TRPV5: variants seen among roughly 807,000 people sequenced by gnomAD.
The protein encoded by TRPV5 is transient receptor potential cation channel subfamily V member 5, also known as calcium transport protein 2.
TRPV5 carries 66 observed loss-of-function variants against 74.1 expected under a neutral mutation model. The ratio of observed to expected loss-of-function variants is 0.89; its 90% CI spans 0.73 to 1.09. The LOEUF (loss-of-function observed/expected upper bound fraction) is 1.09, where lower values mean the gene tolerates loss of function less well. TRPV5 is among the 50% of genes least tolerant of loss of function. The pLI is 0.00. For synonymous variants in TRPV5, 399 were observed against 360.7 expected (o/e 1.11, Z -1.20); for missense variants, 936 against 930.4 (o/e 1.01, Z -0.08).
intron 5 of TRPV5, 41 bp downstream of exon 5, chr7:142,928,980 TC>T: frequency 6.2e-7 from 1 of 1,613,098 alleles, no homozygotes; most frequent in Non-Finnish European, 8.5e-7. Context: ...TGTCCCTCGC[TC>T]CCCACAGCAT....
rs148222818 is a variant in TRPV5, at chr7:142,908,674, G to T, written c.2030C>A (p.Ala677Asp). The change falls in exon 15 of 15, where the codon GCC (alanine) becomes GAC (aspartate). Residue 677 changes from alanine (A) to aspartate (D), a missense_variant. Transcript: ENST00000265310. ...AGTTGGAAGAGCCAAAGAGGCTCTG[G>T]CTAGAGTCCCACTCTCAGCCCCAGA... Reference protein sequence around the residue: ...QPSGAESGTLARASLALPTSS... With the variant: ...QPSGAESGTLDRASLALPTSS... 6.2e-7 allele frequency: 1 copy of T among 1,614,106 alleles called. No homozygotes were observed. The highest frequency in any genetic ancestry group is 8.5e-7 in the Non-Finnish European group (1 of 1,180,052).
At chr7:142,920,031 C>G (rs1369637591) in intron 8 of TRPV5, among the ~76,000 whole-genome samples, 4 of 152,218 alleles carry the variant, frequency 2.6e-5, no homozygotes, top group Non-Finnish European at 5.9e-5. Context: ...GACTGCCCAT[C>G]AGAATCAAGT....
In TRPV5 at chr7:142,928,201, T is replaced by C. The variant is rs768202588; in HGVS notation, c.796A>G (p.Ile266Val). Residue 266 changes from isoleucine (I) to valine (V), a missense_variant, in exon 7 of 15, where the codon ATC (isoleucine) becomes GTC (valine). Physicochemically the swap from Ile to Val is conservative, Grantham distance 29. Coordinates refer to ENST00000265310, the MANE Select transcript of TRPV5 (RefSeq NM_019841.7). The stretch of plus-strand genomic sequence containing the variant: ...GTCAGGGGTCCATACGTCCACTGGA[T>C]GTGCCTCCGCTTCTGCATCAGGTGC... ...FQHLMQKRRH[I>V]QWTYGPLTSI... The C allele has an allele frequency of 6.2e-7, 1 of 1,614,140 alleles. No individual in the cohort carries two copies. The highest frequency in any genetic ancestry group is 2.2e-5 in the East Asian group (1 of 44,874).
At position 142,928,772 on chromosome 7, in the gene TRPV5, G is replaced by T. The variant is rs149978013; in HGVS notation, c.681C>A (p.Asp227Glu). ...NLLLSYDGHG[D>E]HLQPLDLVPN... ...GCACAAGGTCCAGGGGCTGCAGGTGGTCCCCATGTCCATCATAGGACAGCA... is the reference window on the plus strand; with the variant it reads ...GCACAAGGTCCAGGGGCTGCAGGTGTTCCCCATGTCCATCATAGGACAGCA... Residue 227 changes from aspartate to glutamate, a missense_variant, in exon 6 of 15, where the codon GAC becomes GAA. Transcript: ENST00000265310. 58 of 1,614,178 alleles carry T rather than the reference G, an allele frequency of 3.6e-5. No individual in the cohort carries two copies. The African/African-American group carries it at 6.8e-4, about 19-fold the overall frequency.
intron 7 of TRPV5, 52 bp downstream of exon 7, chr7:142,928,036 C>A: frequency 2.5e-6 from 4 of 1,610,644 alleles, no homozygotes; most frequent in Non-Finnish European, 3.4e-6. Context: ...AGACTCTGCA[C>A]AAACACTAAA....
intron 10 of TRPV5, 66 bp from the exon 11 acceptor site, chr7:142,915,112 G>C: frequency 1.3e-6 from 2 of 1,576,030 alleles, no homozygotes; most frequent in Non-Finnish European, 1.7e-6. Flanking sequence ...ACAGCATAGT[G>C]GTGACCGGGG....
intron 12 of TRPV5, 148 bp downstream of exon 12, chr7:142,914,492 A>T: frequency 1.3e-6 from 1 of 765,516 alleles, no homozygotes; most frequent in Non-Finnish European, 2.1e-6. Context: ...TTTTAGACTT[A>T]CCTTCCAACA....
chr7:142,916,902 TC>T lies in TRPV5; in HGVS notation c.1123-1335del, dbSNP rs1562341762. Among the ~76,000 whole-genome samples, 1,179 of 148,724 alleles carry T rather than the reference TC, an allele frequency of 7.9e-3. 38 individuals are homozygous for T. Among genetic ancestry groups the T allele is most frequent in the African/African-American group, 0.022 (893 of 40,776 alleles). On this transcript the variant is annotated intron_variant, in intron 8 of 14. Transcript: ENST00000265310. ...AGACATCAGTCAACACTTTTTTTTT[TC>T]TTTTTTGGCTTAAAAAATGGTATGC...
chr7:142,929,592 G>A (rs961924677), intron 3 of TRPV5, 27 bp from the exon 4 acceptor site: 2 of 1,607,842 alleles, frequency 1.2e-6, no homozygotes, highest in Non-Finnish European at 1.7e-6. Flanking sequence ...CATCATCAGG[G>A]TCTCCCTCTG....
At position 142,912,444 on chromosome 7, in the gene TRPV5, C is replaced by A. The variant is rs763486231; in HGVS notation, c.1788+38G>T. The stretch of plus-strand genomic sequence containing the variant: ...TTTCCACTTTGATTTTTCTCTCCAA[C>A]CCCTGCTTCTTAGCAAGACTAACAC... On this transcript the variant is annotated intron_variant, in intron 13 of 14. Transcript: ENST00000265310. 4 of 1,588,314 alleles carry A rather than the reference C, an allele frequency of 2.5e-6. No homozygotes were observed. The East Asian group carries it at 6.7e-5, about 27-fold the overall frequency.
intron 8 of TRPV5, among the ~76,000 whole-genome samples, chr7:142,924,323 C>T (rs1317325709): frequency 2.2e-4 from 4 of 18,300 alleles, no homozygotes; most frequent in Non-Finnish European, 3.2e-4. Flanking sequence ...CACACATATA[C>T]ATGTATATAT....
At chr7:142,920,791 C>T (rs976077625) in intron 8 of TRPV5, among the ~76,000 whole-genome samples, 4 of 152,206 alleles carry the variant, frequency 2.6e-5, no homozygotes, top group South Asian at 2.1e-4. Context: ...TCACTCAAAA[C>T]GCGGTGCACA....
At chr7:142,929,610 T>C in intron 3 of TRPV5, 45 bp from the exon 4 acceptor site, 1 of 1,601,312 alleles carries the variant, frequency 6.2e-7, no homozygotes, top group Non-Finnish European at 8.5e-7. Context: ...CTGTCCCCAG[T>C]TCTCTCAGGG....
chr7:142,931,140 A>T (rs4252396), intron 1 of TRPV5, among the ~76,000 whole-genome samples: 94,642 of 150,632 alleles, frequency 0.63, 31,994 homozygotes, highest in East Asian at 0.93. Flanking sequence ...CTTGTGCCTC[A>T]GTCTCCCGAG....
At chr7:142,911,334 A>G (rs1327845426) in intron 13 of TRPV5, among the ~76,000 whole-genome samples, 1 of 152,184 alleles carries the variant, frequency 6.6e-6, no homozygotes, top group Non-Finnish European at 1.5e-5. Flanking sequence ...GGACTAACAC[A>G]TCCTCTTCCC....
chr7:142,919,977 A>G (rs898652912), intron 8 of TRPV5, among the ~76,000 whole-genome samples: 1 of 152,202 alleles, frequency 6.6e-6, no homozygotes, highest in Non-Finnish European at 1.5e-5. Flanking sequence ...AGCTCTTACA[A>G]AGAGCTTCTC....
At chr7:142,918,961 C>T (rs190060324) in intron 8 of TRPV5, among the ~76,000 whole-genome samples, 27 of 152,318 alleles carry the variant, frequency 1.8e-4, no homozygotes, top group Admixed American at 7.8e-4. Flanking sequence ...GTCCTCATAC[C>T]CTGTGTGAGC....
rs775055420 is a variant in TRPV5, at chr7:142,928,183, G to A, written c.814C>T (p.Pro272Ser). Residue 272 changes from proline (P) to serine (S), a missense_variant, in exon 7 of 15, where the codon CCC (proline) becomes TCC (serine). Coordinates refer to ENST00000265310, the MANE Select transcript of TRPV5 (RefSeq NM_019841.7). ...KRRHIQWTYG[P>S]LTSILYDLTE... Reference sequence around the variant, plus strand: ...AGGTCGTAGAGAATGGAGGTCAGGGGTCCATACGTCCACTGGATGTGCCTC... The same window carrying A: ...AGGTCGTAGAGAATGGAGGTCAGGGATCCATACGTCCACTGGATGTGCCTC... The A allele has an allele frequency of 5.0e-6, 8 of 1,614,094 alleles. No individual in the cohort carries two copies. Among genetic ancestry groups the A allele is most frequent in the Non-Finnish European group, 5.9e-6 (7 of 1,179,974 alleles).
chr7:142,930,559 G>T, intron 1 of TRPV5, 113 bp from the exon 2 acceptor site: 1 of 818,726 alleles, frequency 1.2e-6, no homozygotes, highest in Non-Finnish European at 2.1e-6. Flanking sequence ...AGCGTGCAGT[G>T]ACAAATTGGA....
Sources: allele counts gnomAD v4.1 joint callset (sites outside exome capture counted in the v4.1 genomes callset), GRCh38; gene constraint gnomAD v4.1.1; transcripts MANE v1.5; gene names NCBI Gene and HGNC (gene_info 2026-07-23, HGNC 2026-07-21).